The following MYG1 variants were observed in gnomAD, a reference collection of about 807,000 sequenced individuals.
MYG1 encodes the protein MYG1 exonuclease.
MYG1 carries 36 observed loss-of-function variants against 43.5 expected under a neutral mutation model. That is an observed-to-expected ratio of 0.83 (90% CI 0.63 to 1.09). The LOEUF (loss-of-function observed/expected upper bound fraction) is 1.09, where lower values mean the gene tolerates loss of function less well. Ranked by LOEUF, MYG1 falls within the 50% of genes least tolerant of loss-of-function variation. The pLI, the probability that MYG1 is intolerant of heterozygous loss-of-function variation, is 0.00. For missense variants in MYG1, 529 were observed against 495.1 expected (o/e 1.07, Z -0.65); for synonymous variants, 220 against 202.8 (o/e 1.08, Z -0.72).
chr12:53,306,138 A>G (rs1165974965), intron 4 of MYG1, 60 bp from the exon 5 acceptor site: 1 of 1,612,596 alleles, frequency 6.2e-7, no homozygotes, highest in Non-Finnish European at 8.5e-7. Context: ...TGCTCCTCCT[A>G]AGCCCTAGCA....
chr12:53,303,438 A>G (rs755032706), intron 3 of MYG1: 14 of 441,702 alleles, frequency 3.2e-5, no homozygotes, highest in East Asian at 1.2e-4. Context: ...TTTGAAAACC[A>G]TAAAGCAGCA....
At chr12:53,306,164 C>T (rs766350969) in intron 4 of MYG1, 34 bp from the exon 5 acceptor site, 2 of 1,613,402 alleles carry the variant, frequency 1.2e-6, no homozygotes, top group Non-Finnish European at 8.5e-7. Flanking sequence ...CAAGTTTGGG[C>T]CAGCATCATG....
chr12:53,305,381 C>G (rs1944265550), intron 3 of MYG1, among the ~76,000 whole-genome samples: 1 of 152,180 alleles, frequency 6.6e-6, no homozygotes, highest in Non-Finnish European at 1.5e-5. Flanking sequence ...CAGGAGACAA[C>G]TGCTGATGTC....
At position 53,306,267 on chromosome 12, in the gene MYG1, A is replaced by C; in HGVS notation, c.712A>C (p.Ser238Arg). 1 of 1,614,248 alleles carries C rather than the reference A, an allele frequency of 6.2e-7. No homozygotes were observed. The highest frequency in any genetic ancestry group is 8.5e-7 in the Non-Finnish European group (1 of 1,180,030). ...FLQRLDFYQH[S>R]WLPARALVEE... is the part of the protein sequence containing the mutation. Reference sequence around the variant, plus strand: ...GCAGAGATTAGATTTCTACCAACACAGCTGGCTGCCAGCCCGGGCCTTGGT... The same window carrying C: ...GCAGAGATTAGATTTCTACCAACACCGCTGGCTGCCAGCCCGGGCCTTGGT... The change falls in exon 5 of 7, where the codon AGC becomes CGC. Residue 238 changes from serine to arginine, a missense_variant. Ser to Arg is a moderately radical substitution (Grantham distance 110, BLOSUM62 -1). Coordinates refer to ENST00000267103, the MANE Select transcript of MYG1 (RefSeq NM_021640.4).
Position 53,303,422 on chromosome 12 carries a change from A to T in MYG1, c.489+229A>T, listed in dbSNP as rs1565773673. 6.2e-6 allele frequency: 3 copies of T among 482,820 alleles called. No individual in the cohort carries two copies. In the East Asian group the frequency reaches 1.1e-4, roughly 18 times the overall value. 29.9% of individuals were successfully genotyped at this position (482,820 alleles called of 1,614,324 possible). A position where few individuals can be genotyped will look rare whatever the true frequency, so the allele number is the denominator to read the frequency against. On this transcript the variant is annotated intron_variant, in intron 3 of 6. Transcript: ENST00000267103. ...GAAGTGGATGCTGTAATATATGGGG[A>T]AGGGCTTTGAAAACCATAAAGCAGC...
intron 3 of MYG1, 134 bp from the exon 4 acceptor site, chr12:53,305,774 C>G: frequency 8.3e-7 from 1 of 1,202,386 alleles, no homozygotes; most frequent in East Asian, 2.5e-5. Context: ...TGCCAATTCT[C>G]CCTTTTCTCA....
chr12:53,304,861 G>GTTTTTTTT (rs71068106), intron 3 of MYG1, among the ~76,000 whole-genome samples: 4 of 78,224 alleles, frequency 5.1e-5, no homozygotes, highest in South Asian at 5.0e-4. Context: ...CTAAACCCAT[G>GTTTTTTTT]TTTTTTTTTT....
At chr12:53,306,421 A>G in intron 5 of MYG1, 101 bp downstream of exon 5, 1 of 1,527,998 alleles carries the variant, frequency 6.5e-7, no homozygotes, top group South Asian at 1.2e-5. Flanking sequence ...GCAGTGGCAG[A>G]CAACCTCAAC....
intron 2 of MYG1, among the ~76,000 whole-genome samples, chr12:53,301,305 G>A (rs1418676875): frequency 6.6e-6 from 1 of 152,002 alleles, no homozygotes; most frequent in Non-Finnish European, 1.5e-5. Context: ...CTTCCATCTT[G>A]AAAAGAAACA....
chr12:53,306,776 G>T lies in MYG1; in HGVS notation c.862G>T (p.Ala288Ser), dbSNP rs769808161. 1 of 1,614,042 alleles carries T rather than the reference G, an allele frequency of 6.2e-7. No individual in the cohort carries two copies. The highest frequency in any genetic ancestry group is 8.5e-7 in the Non-Finnish European group (1 of 1,180,034). Reference protein sequence around the residue: ...HLESGLSPPVAIFFVIYTDQA... With the variant: ...HLESGLSPPVSIFFVIYTDQA... Reference sequence around the variant, plus strand: ...GGAATCTGGGCTGTCCCCTCCAGTGGCCATCTTCTTTGTTATCTACACTGA... The same window carrying T: ...GGAATCTGGGCTGTCCCCTCCAGTGTCCATCTTCTTTGTTATCTACACTGA... Residue 288 changes from alanine (A) to serine (S), a missense_variant, in exon 6 of 7, where the codon GCC (alanine) becomes TCC (serine). Ala to Ser is a moderately conservative substitution (Grantham distance 99). Transcript: ENST00000267103.
intron 5 of MYG1, 89 bp downstream of exon 5, chr12:53,306,409 G>A: frequency 6.4e-7 from 1 of 1,559,616 alleles, no homozygotes; most frequent in Admixed American, 1.8e-5. Flanking sequence ...AAACCCTGGA[G>A]TGCAGTGGCA....
Position 53,306,846 on chromosome 12 carries a change from A to C in MYG1, c.932A>C (p.His311Pro). The change falls in exon 6 of 7, where the codon CAC becomes CCC. Residue 311 changes from histidine to proline, a missense_variant. His to Pro is a moderately conservative substitution (Grantham distance 77). Transcript: ENST00000267103. ...ATACAGTGTGTGCCCAAGGAGCCCC[A>C]CTCATTCCAAAGCCGGTGAGGCCCT... ...WRIQCVPKEPHSFQSRLPLPE... is the reference protein window; with the variant it reads ...WRIQCVPKEPPSFQSRLPLPE... 4 of 1,613,264 alleles carry C rather than the reference A, an allele frequency of 2.5e-6. No individual in the cohort carries two copies. Among genetic ancestry groups the C allele is most frequent in the Non-Finnish European group, 3.4e-6 (4 of 1,179,574 alleles).
intron 2 of MYG1, 194 bp downstream of exon 2, chr12:53,300,456 T>C (rs79241029): frequency 6.3e-6 from 3 of 477,046 alleles, no homozygotes; most frequent in East Asian, 6.8e-5. Flanking sequence ...GGGACCTCCT[T>C]TGGTTCCCAG....
chr12:53,306,430 A>G, intron 5 of MYG1, 110 bp downstream of exon 5: 1 of 1,499,706 alleles, frequency 6.7e-7, no homozygotes, highest in South Asian at 1.3e-5. Context: ...GACAACCTCA[A>G]CCTCTTAGGC....
At position 53,307,024 on chromosome 12, in the gene MYG1, G is replaced by C. The variant is rs1477076285; in HGVS notation, c.1006G>C (p.Gly336Arg). The C allele has an allele frequency of 1.2e-6, 2 of 1,614,116 alleles. No individual in the cohort carries two copies. The highest frequency in any genetic ancestry group is 1.7e-6 in the Non-Finnish European group (2 of 1,180,052). Residue 336 changes from glycine to arginine, a missense_variant, in exon 7 of 7, where the codon GGG (glycine) becomes CGG (arginine). Physicochemically the swap from Gly to Arg is moderately radical, Grantham distance 125. Transcript: ENST00000267103. The stretch of plus-strand genomic sequence containing the variant: ...GGACGAGGCCCTGGACCAGGTCAGT[G>C]GGATCCCTGGCTGCATCTTCGTCCA... ...LRDEALDQVSGIPGCIFVHAS... is the reference protein window; with the variant it reads ...LRDEALDQVSRIPGCIFVHAS...
At position 53,303,094 on chromosome 12, in the gene MYG1, C is replaced by G; in HGVS notation, c.390C>G (p.Ser130Arg). Residue 130 changes from serine to arginine, a missense_variant, in exon 3 of 7, where the codon AGC (serine) becomes AGG (arginine). Ser to Arg is a moderately radical substitution (Grantham distance 110). Transcript: ENST00000267103. ...GGAAGCCGTGGCAGACCAAGCTGAG[C>G]AGTGCGGGACTCATCTATCTGCACT... ...SPGKPWQTKLSSAGLIYLHFG... is the reference protein window; with the variant it reads ...SPGKPWQTKLRSAGLIYLHFG... 1 of 1,613,860 alleles carries G rather than the reference C, an allele frequency of 6.2e-7. No homozygotes were observed. The highest frequency in any genetic ancestry group is 8.5e-7 in the Non-Finnish European group (1 of 1,179,870).
intron 2 of MYG1, among the ~76,000 whole-genome samples, chr12:53,300,988 C>T (rs1592506294): frequency 6.7e-6 from 1 of 150,246 alleles, no homozygotes; most frequent in African/African-American, 2.4e-5. Context: ...GGCACGATCT[C>T]GGCTCACTGC....
chr12:53,305,070 G>GTT (rs1237214122), intron 3 of MYG1, among the ~76,000 whole-genome samples: 2 of 151,224 alleles, frequency 1.3e-5, no homozygotes, highest in Non-Finnish European at 3.0e-5. Flanking sequence ...GGGTTTCACC[G>GTT]TTTTAGCCGG....
chr12:53,300,317 C>G, intron 2 of MYG1, 55 bp downstream of exon 2: 1 of 1,350,684 alleles, frequency 7.4e-7, no homozygotes, highest in Non-Finnish European at 1.0e-6. Context: ...TTCCTCTGTG[C>G]TCCAATTCAG....
Sources: allele counts gnomAD v4.1 joint callset (sites outside exome capture counted in the v4.1 genomes callset), GRCh38; gene constraint gnomAD v4.1.1; transcripts MANE v1.5; gene names NCBI Gene and HGNC (gene_info 2026-07-23, HGNC 2026-07-21).